The following CTNND2 variants were observed in gnomAD, a reference collection of about 807,000 sequenced individuals.
CTNND2 encodes the protein catenin delta 2.
In CTNND2, 22 loss-of-function variants were observed where a neutral mutation model predicts 144.4. The ratio of observed to expected loss-of-function variants is 0.15; its 90% CI spans 0.11 to 0.22. CTNND2 has a LOEUF of 0.22. Ranked by LOEUF, CTNND2 falls within the 10% of genes least tolerant of loss-of-function variation. The pLI is 1.00. For synonymous variants in CTNND2, 751 were observed against 695.6 expected, an observed-to-expected ratio of 1.08 and a Z score of -1.25; for missense variants, 1,353 against 1,618.8, an observed-to-expected ratio of 0.84 and a Z score of 2.82.
Position 11,038,210 on chromosome 5 carries a change from G to C in CTNND2, c.2789-15231C>G, listed in dbSNP as rs542259702. 6.6e-5 allele frequency among the ~76,000 whole-genome samples: 10 copies of C among 152,246 alleles called. No homozygotes were observed. In the East Asian group the frequency reaches 1.9e-3, roughly 29 times the overall value. ...CTTAGGGCAGGGGTCCCCAAGCCCTGGGCCATGGAACAATACTGGTCCATG... is the reference window on the plus strand; with the variant it reads ...CTTAGGGCAGGGGTCCCCAAGCCCTCGGCCATGGAACAATACTGGTCCATG... On this transcript the variant is annotated intron_variant, in intron 16 of 21. Coordinates refer to ENST00000304623, the MANE Select transcript of CTNND2 (RefSeq NM_001332.4).
intron 8 of CTNND2, 69 bp from the exon 9 acceptor site, chr5:11,346,696 AGGCAGG>A: frequency 1.5e-6 from 2 of 1,363,214 alleles, no homozygotes; most frequent in Non-Finnish European, 1.9e-6. Flanking sequence ...AACCAGGTCT[AGGCAGG>A]GGCAGGGGAA....
At chr5:11,824,763 A>G (rs1793512586) in intron 1 of CTNND2, among the ~76,000 whole-genome samples, 1 of 152,100 alleles carries the variant, frequency 6.6e-6, no homozygotes, top group South Asian at 2.1e-4. Context: ...AAGCCACAAC[A>G]CTTTACTTCT....
In CTNND2 at chr5:11,013,311, C is replaced by T. The variant is rs368140682; in HGVS notation, c.3084+4663G>A. On this transcript the variant is annotated intron_variant, in intron 18 of 21. Transcript: ENST00000304623. Reference sequence around the variant, plus strand: ...GTTTCTTTGGGCCTTTATTTCCTTACAGAGGTTCTCATATAATTAATTGGC... The same window carrying T: ...GTTTCTTTGGGCCTTTATTTCCTTATAGAGGTTCTCATATAATTAATTGGC... Among the ~76,000 whole-genome samples, 23 of 152,312 alleles carry T rather than the reference C, an allele frequency of 1.5e-4. 1 individual carries two copies. In the South Asian group the frequency reaches 4.4e-3, roughly 29 times the overall value.
chr5:11,879,341 G>GTGTGTATATA, intron 1 of CTNND2, among the ~76,000 whole-genome samples: 117 of 109,086 alleles, frequency 1.1e-3, no homozygotes, highest in Non-Finnish European at 1.8e-3. Context: ...TTAAATGTGT[G>GTGTGTATATA]TATATATATA....
chr5:11,353,040 G>A (rs900066695), intron 8 of CTNND2, among the ~76,000 whole-genome samples: 1 of 148,372 alleles, frequency 6.7e-6, no homozygotes, highest in Non-Finnish European at 1.5e-5. Context: ...CACGATGAAT[G>A]ATGAAGAGGA....
chr5:11,027,735 C>T (rs541022280), intron 16 of CTNND2, among the ~76,000 whole-genome samples: 2 of 152,258 alleles, frequency 1.3e-5, no homozygotes, highest in Non-Finnish European at 2.9e-5. Flanking sequence ...GCTTCATTCT[C>T]GAACTCTTCT....
At chr5:11,090,519 T>C (rs1750660804) in intron 15 of CTNND2, among the ~76,000 whole-genome samples, 1 of 152,182 alleles carries the variant, frequency 6.6e-6, no homozygotes, top group African/African-American at 2.4e-5. Flanking sequence ...GCAGCAGCAT[T>C]TGATTCTCAT....
intron 14 of CTNND2, among the ~76,000 whole-genome samples, chr5:11,109,069 G>GAT (rs1752690040): frequency 6.6e-6 from 1 of 152,188 alleles, no homozygotes; most frequent in Non-Finnish European, 1.5e-5. Flanking sequence ...CTTCTTGGCA[G>GAT]ATGACATGCT....
At chr5:11,097,928 G>T (rs1751513107) in intron 15 of CTNND2, among the ~76,000 whole-genome samples, 1 of 152,138 alleles carries the variant, frequency 6.6e-6, no homozygotes. Context: ...ACCAGACTCA[G>T]GAATGAATTA....
At chr5:11,082,989 G>A (rs1317218329) in intron 15 of CTNND2, 143 bp from the exon 16 acceptor site, 36 of 883,494 alleles carry the variant, frequency 4.1e-5, no homozygotes, top group South Asian at 1.7e-4. Flanking sequence ...GGTTGAATAC[G>A]TTAGACATGC....
intron 16 of CTNND2, among the ~76,000 whole-genome samples, chr5:11,032,457 T>C (rs1743580815): frequency 6.6e-6 from 1 of 152,162 alleles, no homozygotes; most frequent in African/African-American, 2.4e-5. Context: ...GAAAAATATA[T>C]GCAAAAAATA....
At chr5:11,863,757 T>C (rs1435258045) in intron 1 of CTNND2, among the ~76,000 whole-genome samples, 4 of 152,280 alleles carry the variant, frequency 2.6e-5, no homozygotes, top group East Asian at 3.9e-4. Context: ...AAATCGCATA[T>C]TGGAAGCAAC....
chr5:11,396,929 A>T, intron 6 of CTNND2, 102 bp downstream of exon 6: 1 of 1,232,108 alleles, frequency 8.1e-7, no homozygotes, highest in Non-Finnish European at 1.1e-6. Context: ...CACACCTACA[A>T]AAAAGGCAGG....
intron 1 of CTNND2, among the ~76,000 whole-genome samples, chr5:11,846,197 G>T (rs975414451): frequency 6.6e-6 from 1 of 152,088 alleles, no homozygotes; most frequent in African/African-American, 2.4e-5. Flanking sequence ...TTTATTAAGT[G>T]AATGTCAGTC....
At chr5:11,755,274 T>C (rs1405345672) in intron 1 of CTNND2, among the ~76,000 whole-genome samples, 1 of 151,768 alleles carries the variant, frequency 6.6e-6, no homozygotes, top group African/African-American at 2.4e-5. Flanking sequence ...AGGCCCCCAA[T>C]CTCTTCTGGC....
rs1171105521 is a variant in CTNND2 at position 11,521,142 on chromosome 5, G to C, written c.287+43802C>G. Among the ~76,000 whole-genome samples the C allele has an allele frequency of 2.0e-5, 3 of 152,118 alleles. No individual in the cohort carries two copies. In the South Asian group the frequency reaches 6.2e-4, roughly 32 times the overall value. On this transcript the variant is annotated intron_variant, in intron 3 of 21. Coordinates refer to ENST00000304623, the MANE Select transcript of CTNND2 (RefSeq NM_001332.4). ...AAACATTCATATCAAAGGGAAATTT[G>C]GCATGTCAGAAAAATGACACTAAGT...
intron 19 of CTNND2, among the ~76,000 whole-genome samples, chr5:10,990,635 C>T (rs1049026183): frequency 7.9e-5 from 12 of 152,132 alleles, no homozygotes; most frequent in Non-Finnish European, 1.5e-4. Flanking sequence ...TCCAATATTG[C>T]CCAGATGGTG....
At chr5:11,382,643 G>GTGTGTGTGTGTC (rs1758634342) in intron 7 of CTNND2, among the ~76,000 whole-genome samples, 1 of 141,364 alleles carries the variant, frequency 7.1e-6, no homozygotes, top group African/African-American at 2.7e-5. Context: ...GTGTGTGTGT[G>GTGTGTGTGTGTC]TGTAGAATGA....
chr5:11,490,618 A>G (rs1358520798), intron 3 of CTNND2, among the ~76,000 whole-genome samples: 1 of 152,202 alleles, frequency 6.6e-6, no homozygotes, highest in Non-Finnish European at 1.5e-5. Flanking sequence ...ACCTGTACAG[A>G]CACATGCACA....
Sources: allele counts gnomAD v4.1 joint callset (sites outside exome capture counted in the v4.1 genomes callset), GRCh38; gene constraint gnomAD v4.1.1; transcripts MANE v1.5; gene names NCBI Gene and HGNC (gene_info 2026-07-23, HGNC 2026-07-21).